KIRREL3: variants seen among roughly 807,000 people sequenced by gnomAD.
The protein encoded by KIRREL3 is kirre like nephrin family adhesion molecule 3.
In KIRREL3, 36 loss-of-function variants were observed where a neutral mutation model predicts 89.7. That is an observed-to-expected ratio of 0.40 (90% confidence interval 0.31 to 0.53). The LOEUF (loss-of-function observed/expected upper bound fraction) is 0.53. KIRREL3 is among the 20% of genes least tolerant of loss of function. The pLI, the probability that KIRREL3 is intolerant of heterozygous loss-of-function variation, is 0.49. For missense variants in KIRREL3, 864 were observed against 1,056.6 expected (o/e 0.82, Z 2.53); for synonymous variants, 445 against 441.4 (o/e 1.01, Z -0.10).
At chr11:126,869,510 G>A (rs1009770307) in intron 1 of KIRREL3, among the ~76,000 whole-genome samples, 1 of 152,162 alleles carries the variant, frequency 6.6e-6, no homozygotes, top group African/African-American at 2.4e-5. Flanking sequence ...TAATTGAAGA[G>A]ATATGCATAT....
At chr11:126,888,241 A>G (rs1945774973) in intron 1 of KIRREL3, among the ~76,000 whole-genome samples, 1 of 152,202 alleles carries the variant, frequency 6.6e-6, no homozygotes, top group Non-Finnish European at 1.5e-5. Flanking sequence ...GACAGCAGCC[A>G]CAAAGGCTGA....
rs554929123 is a variant in KIRREL3 at position 126,677,994 on chromosome 11, T to G, written c.56-115082A>C. Among the ~76,000 whole-genome samples, 2 of 152,186 alleles carry G rather than the reference T, an allele frequency of 1.3e-5. No individual in the cohort carries two copies. Among genetic ancestry groups the G allele is most frequent in the South Asian group, 4.2e-4 (2 of 4,808 alleles). On this transcript the variant is annotated intron_variant, in intron 1 of 16. Coordinates refer to ENST00000525144, the MANE Select transcript of KIRREL3 (RefSeq NM_032531.4). The surrounding 1 kb of genome is among the most constrained non-coding windows in gnomAD (Gnocchi z 5.1). ...CCCCAGGCTCCAGCTTCATGGAGCT[T>G]CAGAATCAGGCCCTGTTACACCCAC...
rs1949959829 is a variant in KIRREL3, at chr11:126,989,377, G to T, written c.55+11078C>A. Reference sequence around the variant, plus strand: ...AGCTCACCCTGATGCAGAGAGAGCGGCAAGGGACTCTGATGGTGAGTCAGC... The same window carrying T: ...AGCTCACCCTGATGCAGAGAGAGCGTCAAGGGACTCTGATGGTGAGTCAGC... On this transcript the variant is annotated intron_variant, in intron 1 of 16. Coordinates refer to ENST00000525144, the MANE Select transcript of KIRREL3 (RefSeq NM_032531.4). The surrounding 1 kb of genome is among the most constrained non-coding windows in gnomAD (Gnocchi z 6.2). 6.6e-6 allele frequency among the ~76,000 whole-genome samples: 1 copy of T among 152,142 alleles called. No individual in the cohort carries two copies. Among genetic ancestry groups the T allele is most frequent in the Non-Finnish European group, 1.5e-5 (1 of 68,030 alleles).
In KIRREL3 at chr11:126,651,108, G is replaced by A. The variant is rs1944891650; in HGVS notation, c.56-88196C>T. On this transcript the variant is annotated intron_variant, in intron 1 of 16. Coordinates refer to ENST00000525144, the MANE Select transcript of KIRREL3 (RefSeq NM_032531.4). This position sits in a 1 kb window ranked among gnomAD's most constrained non-coding sequence, Gnocchi z 4.6. ...ACCGGGTCCCTCCCACAACACATAG[G>A]AATTATGGGAGTACAATTCAAGATG... Among the ~76,000 whole-genome samples, 1 of 152,142 alleles carries A rather than the reference G, an allele frequency of 6.6e-6. No homozygotes were observed. Among genetic ancestry groups the A allele is most frequent in the Admixed American group, 6.5e-5 (1 of 15,284 alleles).
chr11:126,807,890 A>T lies in KIRREL3; in HGVS notation c.55+192565T>A, dbSNP rs1951255275. 1.3e-5 allele frequency among the ~76,000 whole-genome samples: 2 copies of T among 152,112 alleles called. No homozygotes were observed. The highest frequency in any genetic ancestry group is 2.9e-5 in the Non-Finnish European group (2 of 68,038). ...GTCCTCATAGGAAGGTGACGAAAGG[A>T]AGCTCAAGTTGTGTGACTAATATGC... On this transcript the variant is annotated intron_variant, in intron 1 of 16. Transcript: ENST00000525144. This position sits in a 1 kb window ranked among gnomAD's most constrained non-coding sequence, Gnocchi z 4.3.
At chr11:126,638,622 G>A (rs1039463546) in intron 1 of KIRREL3, among the ~76,000 whole-genome samples, 6 of 152,166 alleles carry the variant, frequency 3.9e-5, no homozygotes, top group Non-Finnish European at 7.3e-5. Context: ...CATAGTCCGT[G>A]GATAATTCTC....
intron 1 of KIRREL3, among the ~76,000 whole-genome samples, chr11:126,632,277 A>G (rs115953394): frequency 2.6e-4 from 39 of 152,342 alleles, no homozygotes; most frequent in African/African-American, 9.1e-4. Context: ...AACCTCAGAT[A>G]CAGAAAGAAT....
In KIRREL3 at chr11:126,642,697, G is replaced by A. The variant is rs1395959349; in HGVS notation, c.56-79785C>T. ...TTACGGCAGATTGCAATTGTAGGAG[G>A]AATGACACAAAAGGGGTAGGCTAGA... On this transcript the variant is annotated intron_variant, in intron 1 of 16. Transcript: ENST00000525144. This position sits in a 1 kb window ranked among gnomAD's most constrained non-coding sequence, Gnocchi z 4.9. 6.6e-6 allele frequency among the ~76,000 whole-genome samples: 1 copy of A among 152,178 alleles called. No homozygotes were observed. Among genetic ancestry groups the A allele is most frequent in the Non-Finnish European group, 1.5e-5 (1 of 68,030 alleles).
chr11:126,655,420 A>G lies in KIRREL3; in HGVS notation c.56-92508T>C, dbSNP rs944942258. 1.3e-5 allele frequency among the ~76,000 whole-genome samples: 2 copies of G among 152,058 alleles called. No homozygotes were observed. Among genetic ancestry groups the G allele is most frequent in the Non-Finnish European group, 2.9e-5 (2 of 68,002 alleles). On this transcript the variant is annotated intron_variant, in intron 1 of 16. Transcript: ENST00000525144. The surrounding 1 kb of genome is among the most constrained non-coding windows in gnomAD (Gnocchi z 5.0). ...CAAATGCCTCCTTTGTCTCCCTGAA[A>G]AGCCTGCCTCTTTTCTCCTTCACCC...
At chr11:126,545,038 T>C (rs943168916) in intron 2 of KIRREL3, among the ~76,000 whole-genome samples, 2 of 152,238 alleles carry the variant, frequency 1.3e-5, no homozygotes, top group African/African-American at 4.8e-5. Flanking sequence ...TTGGATCAAA[T>C]GCAGTTTATC....
Position 126,522,040 on chromosome 11 carries a change from G to A in KIRREL3, c.284-576C>T, listed in dbSNP as rs1565520967. On this transcript the variant is annotated intron_variant, in intron 3 of 16. Coordinates refer to ENST00000525144, the MANE Select transcript of KIRREL3 (RefSeq NM_032531.4). This position sits in a 1 kb window ranked among gnomAD's most constrained non-coding sequence, Gnocchi z 6.0. Reference sequence around the variant, plus strand: ...ATTATAGGCATGAGCCACCATGCCCGGCCATGTAAGGGTCTTGTTGGTTTC... The same window carrying A: ...ATTATAGGCATGAGCCACCATGCCCAGCCATGTAAGGGTCTTGTTGGTTTC... 6.6e-6 allele frequency among the ~76,000 whole-genome samples: 1 copy of A among 152,118 alleles called. No individual in the cohort carries two copies. Among genetic ancestry groups the A allele is most frequent in the South Asian group, 2.1e-4 (1 of 4,822 alleles).
chr11:126,538,841 G>A (rs1024197547), intron 2 of KIRREL3, among the ~76,000 whole-genome samples: 3 of 152,152 alleles, frequency 2.0e-5, no homozygotes, highest in Admixed American at 1.3e-4. Flanking sequence ...GAGCTGCGGG[G>A]AGGCAAATAT....
chr11:126,989,418 G>A lies in KIRREL3; in HGVS notation c.55+11037C>T, dbSNP rs1187890797. 6.6e-6 allele frequency among the ~76,000 whole-genome samples: 1 copy of A among 152,054 alleles called. No individual in the cohort carries two copies. The highest frequency in any genetic ancestry group is 1.9e-4 in the East Asian group (1 of 5,180). ...GTGAGTCAGCTGAGGGAAGCTGCTG[G>A]GGTCTCAGCACACCGTATAGAAAAT... On this transcript the variant is annotated intron_variant, in intron 1 of 16. Coordinates refer to ENST00000525144, the MANE Select transcript of KIRREL3 (RefSeq NM_032531.4). The surrounding 1 kb of genome is among the most constrained non-coding windows in gnomAD (Gnocchi z 6.2).
intron 1 of KIRREL3, among the ~76,000 whole-genome samples, chr11:126,725,236 A>G (rs1023477450): frequency 6.6e-6 from 1 of 152,200 alleles, no homozygotes. Flanking sequence ...TATGCCATGA[A>G]GAATTAATCT....
rs1455410090 is a variant in KIRREL3, at chr11:126,791,239, CA to C, written c.55+209215del. Among the ~76,000 whole-genome samples, 21 of 152,128 alleles carry C rather than the reference CA, an allele frequency of 1.4e-4. 1 individual carries two copies. The highest frequency in any genetic ancestry group is 1.4e-3 in the Admixed American group (21 of 15,278). On this transcript the variant is annotated intron_variant, in intron 1 of 16. Coordinates refer to ENST00000525144, the MANE Select transcript of KIRREL3 (RefSeq NM_032531.4). The surrounding 1 kb of genome is among the most constrained non-coding windows in gnomAD (Gnocchi z 4.8). ...AAGAGTACATTTTGGGGGGCCTGTA[CA>C]GGGAATTTAGTGGTATTTGTTGACC...
chr11:126,941,512 G>A (rs1948444301), intron 1 of KIRREL3, among the ~76,000 whole-genome samples: 2 of 152,180 alleles, frequency 1.3e-5, no homozygotes, highest in South Asian at 4.1e-4. Context: ...TGATTCTCAG[G>A]CAGCCAGCCT....
In KIRREL3 at chr11:126,795,094, G is replaced by A. The variant is rs1040690300; in HGVS notation, c.55+205361C>T. On this transcript the variant is annotated intron_variant, in intron 1 of 16. Coordinates refer to ENST00000525144, the MANE Select transcript of KIRREL3 (RefSeq NM_032531.4). The surrounding 1 kb of genome is among the most constrained non-coding windows in gnomAD (Gnocchi z 4.1). The stretch of plus-strand genomic sequence containing the variant: ...GGTTGGGCAGGAGGAGGAGGAGAGA[G>A]ATGAATTGTGGAGCACAGGTGTTTG... Among the ~76,000 whole-genome samples the A allele has an allele frequency of 1.4e-4, 21 of 152,200 alleles. No homozygotes were observed. The highest frequency in any genetic ancestry group is 5.1e-4 in the African/African-American group (21 of 41,452).
In KIRREL3 at chr11:126,620,476, A is replaced by G. The variant is rs928261131; in HGVS notation, c.56-57564T>C. The stretch of plus-strand genomic sequence containing the variant: ...GTAGTAATTCTTAATGTGAGGCTCT[A>G]GGTCCATGAAAGGGCCCACATACAC... On this transcript the variant is annotated intron_variant, in intron 1 of 16. Coordinates refer to ENST00000525144, the MANE Select transcript of KIRREL3 (RefSeq NM_032531.4). This position sits in a 1 kb window ranked among gnomAD's most constrained non-coding sequence, Gnocchi z 4.8. Among the ~76,000 whole-genome samples the G allele has an allele frequency of 6.6e-6, 1 of 152,204 alleles. No individual in the cohort carries two copies. Among genetic ancestry groups the G allele is most frequent in the Non-Finnish European group, 1.5e-5 (1 of 68,040 alleles).
At chr11:126,920,777 C>T (rs1023656759) in intron 1 of KIRREL3, among the ~76,000 whole-genome samples, 16 of 152,194 alleles carry the variant, frequency 1.1e-4, no homozygotes, top group African/African-American at 3.9e-4. Flanking sequence ...GTTACATCCT[C>T]GTCCTAACAT....
Sources: allele counts gnomAD v4.1 joint callset (sites outside exome capture counted in the v4.1 genomes callset), GRCh38; gene constraint gnomAD v4.1.1; non-coding constraint Gnocchi (gnomAD v3.1); transcripts MANE v1.5; gene names NCBI Gene and HGNC (gene_info 2026-07-23, HGNC 2026-07-21).